The following HK1 variants were observed in gnomAD, a reference collection of about 807,000 sequenced individuals.
HK1 encodes the protein hexokinase 1, also known as hexokinase-1.
In HK1, 28 loss-of-function variants were observed where a neutral mutation model predicts 91.6. That is an observed-to-expected ratio of 0.31 (90% CI 0.23 to 0.42). The LOEUF is 0.42. Ranked by LOEUF, HK1 falls within the 10% of genes least tolerant of loss-of-function variation. The probability of loss-of-function intolerance (pLI) is 1.00; values close to 1 mark genes in which losing one functional copy is unlikely to be tolerated. For synonymous variants in HK1, 430 were observed against 468.1 expected, an observed-to-expected ratio of 0.92 and a Z score of 1.05; for missense variants, 770 against 1,219.8, an observed-to-expected ratio of 0.63 and a Z score of 5.49.
At chr10:69,340,895 G>T (rs1848253601) in intron 1 of HK1, among the ~76,000 whole-genome samples, 1 of 152,108 alleles carries the variant, frequency 6.6e-6, no homozygotes, top group African/African-American at 2.4e-5. Context: ...CCGTCTGCTT[G>T]TTCATCACAA....
chr10:69,382,804 TG>T lies in HK1; in HGVS notation c.1570+18del. 6.2e-7 allele frequency: 1 copy of T among 1,607,528 alleles called. No homozygotes were observed. The highest frequency in any genetic ancestry group is 1.1e-5 in the South Asian group (1 of 89,380). ...CCCGACGGGACCGGTGAGGGCCTGC[TG>T]GGGGCTGACATGCCTGTCCTGCTCC... On this transcript the variant is annotated intron_variant, in intron 10 of 17. Coordinates refer to ENST00000359426, the MANE Select transcript of HK1 (RefSeq NM_000188.3).
At chr10:69,328,960 A>T (rs1847540149) in intron 1 of HK1, among the ~76,000 whole-genome samples, 1 of 152,064 alleles carries the variant, frequency 6.6e-6, no homozygotes, top group Non-Finnish European at 1.5e-5. Context: ...TTCAAGGTTC[A>T]TCCATGTAGT....
intron 3 of HK1, among the ~76,000 whole-genome samples, chr10:69,292,954 C>A (rs1422891995): frequency 3.3e-5 from 5 of 152,186 alleles, no homozygotes; most frequent in Non-Finnish European, 5.9e-5. Flanking sequence ...CCCACCCTAT[C>A]CCCTGCTAGT....
chr10:69,305,837 A>C (rs1846076007), intron 5 of HK1, among the ~76,000 whole-genome samples: 2 of 151,534 alleles, frequency 1.3e-5, no homozygotes, highest in African/African-American at 4.9e-5. Context: ...TGGGCGACAG[A>C]GTGAGACTCT....
chr10:69,401,238 C>A lies in HK1; in HGVS notation c.*103C>A. ...GCGCTGGGAGACGCTGGCGCCAGGG[C>A]CTGCCGGCGCGGGGAGGAAAGCAAA... On this transcript the variant is annotated 3_prime_UTR_variant, in exon 18 of 18. Coordinates refer to ENST00000359426, the MANE Select transcript of HK1 (RefSeq NM_000188.3). 7.1e-7 allele frequency: 1 copy of A among 1,401,144 alleles called. No individual in the cohort carries two copies. The highest frequency in any genetic ancestry group is 9.8e-7 in the Non-Finnish European group (1 of 1,021,392). 86.8% of individuals were successfully genotyped at this position (1,401,144 alleles called of 1,614,324 possible). A position where few individuals can be genotyped will look rare whatever the true frequency, so the allele number is the denominator to read the frequency against.
intron 2 of HK1, among the ~76,000 whole-genome samples, chr10:69,356,738 C>T (rs1849151746): frequency 6.6e-6 from 1 of 151,962 alleles, no homozygotes; most frequent in Non-Finnish European, 1.5e-5. Flanking sequence ...CAAAAATTAG[C>T]CAGGCGTGGT....
chr10:69,327,285 C>G (rs886894264), intron 1 of HK1, among the ~76,000 whole-genome samples: 1 of 152,146 alleles, frequency 6.6e-6, no homozygotes, highest in Non-Finnish European at 1.5e-5. Flanking sequence ...TGAGCCCCCA[C>G]ACTCAGCCAG....
intron 15 of HK1, 131 bp from the exon 16 acceptor site, chr10:69,394,819 A>C: frequency 1.1e-6 from 1 of 882,538 alleles, no homozygotes; most frequent in Non-Finnish European, 1.9e-6. Context: ...GGCAGAGCAC[A>C]GGGCTGGGCA....
rs549677690 is a variant in HK1, at chr10:69,307,269, G to GTCTCCA, written c.27+6409_27+6414dup. 7.9e-5 allele frequency among the ~76,000 whole-genome samples: 12 copies of GTCTCCA among 152,222 alleles called. No individual in the cohort carries two copies. In the South Asian group the frequency reaches 1.7e-3, roughly 21 times the overall value. ...TCAGTGGAATCAACCCAAGCCAGAA[G>GTCTCCA]TCTCCACCCCCACCCCCCGGGGGAG... On this transcript the variant is annotated intron_variant, in intron 5 of 21. Transcript: ENST00000360289.
chr10:69,373,027 G>A (rs569617089), intron 7 of HK1, among the ~76,000 whole-genome samples: 15 of 152,148 alleles, frequency 9.9e-5, no homozygotes, highest in African/African-American at 1.9e-4. Flanking sequence ...CTGCTGCCAC[G>A]CCCAGCTAAT....
intron 5 of HK1, among the ~76,000 whole-genome samples, chr10:69,304,275 A>ATTATTTATTTATTTAT (rs141139312): frequency 7.0e-6 from 1 of 143,388 alleles, no homozygotes; most frequent in Non-Finnish European, 1.5e-5. Flanking sequence ...TTTTATTTTT[A>ATTATTTATTTATTTAT]TTATTTATTT....
chr10:69,291,050 T>A (rs1032608984), intron 3 of HK1, among the ~76,000 whole-genome samples: 4 of 152,270 alleles, frequency 2.6e-5, no homozygotes, highest in Admixed American at 6.5e-5. Flanking sequence ...GGAGCCCTTC[T>A]AAACCTGGAA....
rs1840389230 is a variant in HK1 at position 69,401,490 on chromosome 10, G to A, written c.*355G>A. Reference sequence around the variant, plus strand: ...ATCACACCACCTGACAGGCCTTCTGGGCCTCCAAAGCCCATCCTTGGGGTT... The same window carrying A: ...ATCACACCACCTGACAGGCCTTCTGAGCCTCCAAAGCCCATCCTTGGGGTT... On this transcript the variant is annotated 3_prime_UTR_variant, in exon 18 of 18. Transcript: ENST00000359426. 2.7e-6 allele frequency: 1 copy of A among 374,022 alleles called. No homozygotes were observed. The highest frequency in any genetic ancestry group is 2.1e-5 in the African/African-American group (1 of 47,542). The allele number at this position is 374,022 out of a possible 1,614,324, so 23.2% of individuals were successfully genotyped here.
At position 69,372,333 on chromosome 10, in the gene HK1, A is replaced by G. The variant is rs144416458; in HGVS notation, c.875+2709A>G. 6.2e-3 allele frequency among the ~76,000 whole-genome samples: 951 copies of G among 152,322 alleles called. 9 individuals are homozygous for G. The highest frequency in any genetic ancestry group is 0.022 in the African/African-American group (914 of 41,554). ...TGAGAACAATTCCAAGGAAATGACAAATTCCCAAGTTGCATCACATATTCC... is the reference window on the plus strand; with the variant it reads ...TGAGAACAATTCCAAGGAAATGACAGATTCCCAAGTTGCATCACATATTCC... On this transcript the variant is annotated intron_variant, in intron 7 of 17. Transcript: ENST00000359426.
intron 17 of HK1, 29 bp downstream of exon 17, chr10:69,398,857 A>G (rs1840260029): frequency 6.5e-7 from 1 of 1,546,284 alleles, no homozygotes; most frequent in African/African-American, 1.4e-5. Context: ...TGGGATGCGC[A>G]GAGCTTGCTG....
chr10:69,299,147 G>A (rs1845717217), intron 4 of HK1, among the ~76,000 whole-genome samples: 1 of 150,776 alleles, frequency 6.6e-6, no homozygotes, highest in Non-Finnish European at 1.5e-5. Flanking sequence ...TTTACTACCA[G>A]TCAAACACAC....
upstream of HK1, chr10:69,315,707 G>A: frequency 1.8e-6 from 1 of 567,062 alleles, no homozygotes; most frequent in Non-Finnish European, 3.2e-6. Flanking sequence ...TCTGATTGGG[G>A]CAGATAGGAC....
intron 2 of HK1, among the ~76,000 whole-genome samples, chr10:69,354,190 A>C (rs1198177925): frequency 6.6e-6 from 1 of 151,800 alleles, no homozygotes. Context: ...GAAAAGGAAA[A>C]ACATACTCTG....
intron 9 of HK1, among the ~76,000 whole-genome samples, chr10:69,381,547 T>C (rs919134788): frequency 2.1e-4 from 20 of 95,426 alleles, no homozygotes; most frequent in Non-Finnish European, 3.7e-4. Flanking sequence ...CATCTTAACC[T>C]TTTTTTTTTT....
Sources: gnomAD v4.1 joint callset for allele counts (sites outside exome capture counted in the v4.1 genomes callset) on GRCh38, gnomAD v4.1.1 for gene constraint, MANE v1.5 for transcripts, NCBI Gene and HGNC (gene_info 2026-07-23, HGNC 2026-07-21) for gene names.